WWC1: variants seen among roughly 807,000 people sequenced by gnomAD.
WWC1 encodes the protein protein KIBRA.
In WWC1, 55 loss-of-function variants were observed where a neutral mutation model predicts 138.4. That is an observed-to-expected ratio of 0.40 (90% CI 0.32 to 0.50). The LOEUF is 0.50. Ranked by LOEUF, WWC1 falls within the 20% of genes least tolerant of loss-of-function variation. The pLI is 0.72. For missense variants in WWC1, 1,226 were observed against 1,420.4 expected, an observed-to-expected ratio of 0.86 and a Z score of 2.20; for synonymous variants, 524 against 564.9, an observed-to-expected ratio of 0.93 and a Z score of 1.03.
chr5:168,306,629 C>T (rs1770586286), intron 1 of WWC1, among the ~76,000 whole-genome samples: 1 of 152,102 alleles, frequency 6.6e-6, no homozygotes, highest in South Asian at 2.1e-4. Context: ...CAGAGTCTTG[C>T]TCTGTGGCCC....
intron 11 of WWC1, among the ~76,000 whole-genome samples, chr5:168,426,179 G>A (rs985030038): frequency 6.6e-6 from 1 of 152,150 alleles, no homozygotes; most frequent in African/African-American, 2.4e-5. Flanking sequence ...AGAGATCCCT[G>A]GGTTTCCCTC....
intron 21 of WWC1, among the ~76,000 whole-genome samples, chr5:168,466,565 T>G (rs577087843): frequency 6.6e-6 from 1 of 152,204 alleles, no homozygotes; most frequent in African/African-American, 2.4e-5. Flanking sequence ...TGGACTGATA[T>G]GGGAGCTTCA....
At position 168,292,919 on chromosome 5, in the gene WWC1, G is replaced by A. The variant is rs1769192485; in HGVS notation, c.119+648G>A. Among the ~76,000 whole-genome samples, 1 of 152,198 alleles carries A rather than the reference G, an allele frequency of 6.6e-6. No homozygotes were observed. The highest frequency in any genetic ancestry group is 1.5e-5 in the Non-Finnish European group (1 of 68,030). ...CAGATGAGGGAGACTGGTTATCCAG[G>A]AATCTGGCAGCAACTTGGAAGCTGT... On this transcript the variant is annotated intron_variant, in intron 1 of 22. Transcript: ENST00000265293. This position sits in a 1 kb window ranked among gnomAD's most constrained non-coding sequence, Gnocchi z 4.4.
rs1777946425 is a variant in WWC1 at position 168,385,191 on chromosome 5, A to G, written c.230-20A>G. ...GATATTTGTGAGATGCTGACCTAGA[A>G]TCTCTGGGGTCTGTTCCAGAAACCA... On this transcript the variant is annotated intron_variant, in intron 2 of 22. Coordinates refer to ENST00000265293, the MANE Select transcript of WWC1 (RefSeq NM_015238.3). The G allele has an allele frequency of 6.2e-7, 1 of 1,613,578 alleles. No individual in the cohort carries two copies. Among genetic ancestry groups the G allele is most frequent in the Non-Finnish European group, 8.5e-7 (1 of 1,179,690 alleles).
At chr5:168,386,495 C>G (rs931453828) in intron 3 of WWC1, among the ~76,000 whole-genome samples, 4 of 151,756 alleles carry the variant, frequency 2.6e-5, no homozygotes, top group Non-Finnish European at 5.9e-5. Flanking sequence ...TGGGTTCATG[C>G]CATTCTCCTG....
chr5:168,381,761 T>C (rs1254146379), intron 2 of WWC1, among the ~76,000 whole-genome samples: 1 of 150,370 alleles, frequency 6.7e-6, no homozygotes, highest in Non-Finnish European at 1.5e-5. Flanking sequence ...TCAGGCTTTT[T>C]TTTTTTTTTT....
chr5:168,436,650 G>A (rs1343119727), intron 15 of WWC1, among the ~76,000 whole-genome samples: 2 of 152,074 alleles, frequency 1.3e-5, no homozygotes, highest in South Asian at 2.1e-4. Flanking sequence ...TCAGCCGATG[G>A]CAATCTCATT....
chr5:168,331,991 C>T (rs1313655097), intron 1 of WWC1, among the ~76,000 whole-genome samples: 1 of 151,878 alleles, frequency 6.6e-6, no homozygotes, highest in Non-Finnish European at 1.5e-5. Flanking sequence ...ACTAAACATA[C>T]AAAAATTAGC....
At chr5:168,377,303 G>A (rs1561679111) in intron 2 of WWC1, among the ~76,000 whole-genome samples, 1 of 152,178 alleles carries the variant, frequency 6.6e-6, no homozygotes, top group Non-Finnish European at 1.5e-5. Flanking sequence ...AGATTTAAAT[G>A]TAAGACCTCA....
intron 1 of WWC1, among the ~76,000 whole-genome samples, chr5:168,354,281 C>T (rs532260800): frequency 6.6e-6 from 1 of 152,198 alleles, no homozygotes; most frequent in South Asian, 2.1e-4. Context: ...AAACTCCTGA[C>T]CTCAGGTGAT....
At chr5:168,426,083 G>C (rs1781480801) in intron 11 of WWC1, among the ~76,000 whole-genome samples, 1 of 152,188 alleles carries the variant, frequency 6.6e-6, no homozygotes, top group Admixed American at 6.5e-5. Context: ...GTGTGTACAA[G>C]GGCCAGTGGG....
At chr5:168,439,798 G>C (rs180743288) in intron 15 of WWC1, among the ~76,000 whole-genome samples, 229 of 152,286 alleles carry the variant, frequency 1.5e-3, no homozygotes, top group Non-Finnish European at 2.7e-3. Flanking sequence ...ATTTTTGCTA[G>C]ATATGACTAA....
chr5:168,424,429 G>A (rs758379491), intron 11 of WWC1, among the ~76,000 whole-genome samples: 1 of 152,196 alleles, frequency 6.6e-6, no homozygotes, highest in Non-Finnish European at 1.5e-5. Flanking sequence ...GACAGACAGG[G>A]TCCCTGTTCT....
intron 2 of WWC1, among the ~76,000 whole-genome samples, chr5:168,383,184 AAAAAAAAAAAAG>A (rs1190523313): frequency 5.7e-5 from 6 of 104,814 alleles, no homozygotes; most frequent in South Asian, 5.3e-4. Context: ...CTCAAAAACA[AAAAAAAAAAAAG>A]AAAAGAAAAA....
chr5:168,356,380 G>A (rs1775420795), intron 1 of WWC1, among the ~76,000 whole-genome samples: 1 of 152,250 alleles, frequency 6.6e-6, no homozygotes, highest in African/African-American at 2.4e-5. Flanking sequence ...GGGTCCCTGG[G>A]GTTCCAAAGG....
chr5:168,385,718 C>T (rs1463487767), intron 3 of WWC1, among the ~76,000 whole-genome samples: 1 of 152,160 alleles, frequency 6.6e-6, no homozygotes, highest in African/African-American at 2.4e-5. Context: ...TTAACGAGTA[C>T]AGAGTTTCAG....
chr5:168,445,453 A>C (rs1360872229), intron 17 of WWC1, among the ~76,000 whole-genome samples: 4 of 151,960 alleles, frequency 2.6e-5, no homozygotes, highest in Non-Finnish European at 5.9e-5. Flanking sequence ...TAATCCCAGC[A>C]CTTTGGGAGG....
At chr5:168,400,767 G>C (rs1779247296) in intron 5 of WWC1, among the ~76,000 whole-genome samples, 1 of 151,506 alleles carries the variant, frequency 6.6e-6, no homozygotes, top group African/African-American at 2.4e-5. Flanking sequence ...TGAGCTGATT[G>C]CACCACTGCA....
chr5:168,348,282 G>T (rs1774647416), intron 1 of WWC1, among the ~76,000 whole-genome samples: 1 of 152,188 alleles, frequency 6.6e-6, no homozygotes, highest in Admixed American at 6.5e-5. Flanking sequence ...ACAGGCTCAG[G>T]TAGGGTGAAG....
Sources: allele counts gnomAD v4.1 joint callset (sites outside exome capture counted in the v4.1 genomes callset), GRCh38; gene constraint gnomAD v4.1.1; non-coding constraint Gnocchi (gnomAD v3.1); transcripts MANE v1.5; gene names NCBI Gene and HGNC (gene_info 2026-07-23, HGNC 2026-07-21).